The following TBC1D19 variants were observed in gnomAD, a reference collection of about 807,000 sequenced individuals.
TBC1D19 encodes the protein TBC1 domain family, member 19.
TBC1D19 carries 60 observed loss-of-function variants against 89.0 expected under a neutral mutation model. That is an observed-to-expected ratio of 0.67 (90% confidence interval 0.55 to 0.84). The LOEUF (loss-of-function observed/expected upper bound fraction) is 0.84, where lower values mean the gene tolerates loss of function less well. Among genes scored for constraint, TBC1D19 ranks in the 40% least tolerant of loss-of-function variants. The pLI is 0.00. For synonymous variants in TBC1D19, 189 were observed against 199.7 expected, an observed-to-expected ratio of 0.95 and a Z score of 0.45; for missense variants, 500 against 610.8, an observed-to-expected ratio of 0.82 and a Z score of 1.91.
At chr4:26,584,037 G>T (rs1458862224), upstream of TBC1D19, 3 of 689,600 alleles carry the variant, frequency 4.4e-6, no homozygotes, top group Admixed American at 5.2e-5. Flanking sequence ...GAGAGGGACG[G>T]ACACAAGGCT....
intron 10 of TBC1D19, 137 bp downstream of exon 10, chr4:26,672,324 T>A: frequency 1.5e-6 from 1 of 654,552 alleles, no homozygotes; most frequent in Non-Finnish European, 2.3e-6. Context: ...TTTAACCATG[T>A]AGATTACATA....
chr4:26,729,437 A>G (rs1290332735), intron 15 of TBC1D19, among the ~76,000 whole-genome samples: 3 of 152,256 alleles, frequency 2.0e-5, no homozygotes, highest in Non-Finnish European at 4.4e-5. Context: ...ACAGCTAATT[A>G]TAACACAAAA....
At chr4:26,576,914 G>T (rs1738986868) in intron 1 of TBC1D19, 1 of 451,952 alleles carries the variant, frequency 2.2e-6, no homozygotes, top group Non-Finnish European at 4.5e-6. Flanking sequence ...GCGCCCAGTT[G>T]TTTGGTCAAA....
chr4:26,760,320 T>C (rs1719413585), downstream of TBC1D19, among the ~76,000 whole-genome samples: 1 of 152,146 alleles, frequency 6.6e-6, no homozygotes, highest in East Asian at 1.9e-4. Context: ...CCCAGCACTT[T>C]GGGAGGCCAA....
chr4:26,750,869 C>T (rs747515885), intron 19 of TBC1D19, among the ~76,000 whole-genome samples: 3 of 152,180 alleles, frequency 2.0e-5, no homozygotes, highest in Non-Finnish European at 2.9e-5. Context: ...ATTTTGGAAT[C>T]ACCTTTTTCT....
intron 8 of TBC1D19, among the ~76,000 whole-genome samples, chr4:26,665,597 G>A (rs1711735387): frequency 6.6e-6 from 1 of 151,872 alleles, no homozygotes; most frequent in Admixed American, 6.6e-5. Flanking sequence ...AGCACTTGAT[G>A]GTCCAATTGT....
chr4:26,666,382 A>T lies in TBC1D19; in HGVS notation c.641A>T (p.Asp214Val), dbSNP rs751321101. ...TTAAATATAGGACAACTGGGTATAG[A>T]TGATTCTACACAAGTGCCTCCTGGT... Reference protein sequence around the residue: ...LGLNIGQLGIDDSTQVPPELF... With the variant: ...LGLNIGQLGIVDSTQVPPELF... The change falls in exon 9 of 21, where the codon GAT becomes GTT. Residue 214 changes from aspartate (D) to valine (V), a missense_variant. Asp to Val is a radical substitution (Grantham distance 152). Coordinates refer to ENST00000264866, the MANE Select transcript of TBC1D19 (RefSeq NM_018317.4). The T allele has an allele frequency of 6.2e-6, 10 of 1,610,682 alleles. 1 individual carries two copies. In the South Asian group the frequency reaches 9.9e-5, roughly 16 times the overall value.
the TBC1D19 span, among the ~76,000 whole-genome samples, chr4:26,826,662 C>A: frequency 6.6e-6 from 1 of 152,184 alleles, no homozygotes; most frequent in East Asian, 1.9e-4. Context: ...ATTCCACAAC[C>A]CTAACAATGA....
chr4:26,586,489 A>G (rs1018500154), intron 1 of TBC1D19, among the ~76,000 whole-genome samples: 9 of 152,160 alleles, frequency 5.9e-5, no homozygotes, highest in African/African-American at 1.9e-4. Flanking sequence ...CCTCTTATAA[A>G]TTACTACAAA....
intron 13 of TBC1D19, among the ~76,000 whole-genome samples, chr4:26,691,748 TGTG>T (rs1714310333): frequency 6.6e-6 from 1 of 152,198 alleles, no homozygotes; most frequent in Admixed American, 6.5e-5. Flanking sequence ...TTCACTTTAT[TGTG>T]GTGGTCTGGA....
the TBC1D19 span, among the ~76,000 whole-genome samples, chr4:26,827,396 G>C: frequency 6.6e-6 from 1 of 152,188 alleles, no homozygotes; most frequent in Non-Finnish European, 1.5e-5. Flanking sequence ...CTTGAGGCCA[G>C]GAGTTCAAGA....
the TBC1D19 span, among the ~76,000 whole-genome samples, chr4:26,811,537 C>T: frequency 6.6e-6 from 1 of 152,182 alleles, no homozygotes; most frequent in African/African-American, 2.4e-5. Flanking sequence ...CGGTCCCGAT[C>T]CAGACCCCTA....
At chr4:26,733,920 A>G (rs1717815675) in intron 15 of TBC1D19, among the ~76,000 whole-genome samples, 1 of 152,214 alleles carries the variant, frequency 6.6e-6, no homozygotes, top group East Asian at 1.9e-4. Context: ...GTGAACTGTA[A>G]CTGGTTAGAA....
chr4:26,853,857 ATCT>A, the TBC1D19 span, among the ~76,000 whole-genome samples: 611 of 152,252 alleles, frequency 4.0e-3, 10 homozygotes, highest in African/African-American at 0.014. Context: ...TTAAAATCTG[ATCT>A]TCTTTCTTTC....
chr4:26,657,268 A>G (rs1040053885), intron 7 of TBC1D19, among the ~76,000 whole-genome samples: 2 of 151,410 alleles, frequency 1.3e-5, no homozygotes, highest in Admixed American at 1.3e-4. Flanking sequence ...CCGGTGTGTG[A>G]TGTTTTCCTC....
At chr4:26,791,376 G>A in the TBC1D19 span, among the ~76,000 whole-genome samples, 7 of 152,344 alleles carry the variant, frequency 4.6e-5, no homozygotes, top group Non-Finnish European at 7.3e-5. Flanking sequence ...ACCTGTGAAT[G>A]AGCAAGGAGA....
At chr4:26,824,026 T>C in the TBC1D19 span, among the ~76,000 whole-genome samples, 1 of 152,218 alleles carries the variant, frequency 6.6e-6, no homozygotes, top group Non-Finnish European at 1.5e-5. Context: ...GCTATTTGAT[T>C]GGATCAGGGA....
At chr4:26,681,119 T>TC (rs1189863451) in intron 11 of TBC1D19, among the ~76,000 whole-genome samples, 7 of 152,234 alleles carry the variant, frequency 4.6e-5, no homozygotes, top group African/African-American at 9.6e-5. Context: ...ATGAGATGTT[T>TC]CTCATGCATG....
chr4:26,736,513 G>T (rs957909017), intron 16 of TBC1D19, among the ~76,000 whole-genome samples: 5 of 151,792 alleles, frequency 3.3e-5, no homozygotes, highest in Non-Finnish European at 5.9e-5. Flanking sequence ...CCTGCACAAT[G>T]TGCACATGTA....
Sources: gnomAD v4.1 joint callset for allele counts (sites outside exome capture counted in the v4.1 genomes callset) on GRCh38, gnomAD v4.1.1 for gene constraint, MANE v1.5 for transcripts, NCBI Gene and HGNC (gene_info 2026-07-23, HGNC 2026-07-21) for gene names.